The following VPS13D variants were observed in gnomAD, a reference collection of about 807,000 sequenced individuals.
The protein encoded by VPS13D is vacuolar protein sorting 13 homolog D.
A neutral mutation model predicts 461.9 loss-of-function variants in VPS13D; 187 were observed. The ratio of observed to expected loss-of-function variants is 0.40; its 90% CI spans 0.36 to 0.46. VPS13D has a LOEUF of 0.46. VPS13D is among the 20% of genes least tolerant of loss of function. VPS13D has a pLI of 0.60. For synonymous variants in VPS13D, 1,951 were observed against 1,986.3 expected (o/e 0.98, Z 0.47); for missense variants, 4,711 against 5,364.9 (o/e 0.88, Z 3.81).
chr1:12,266,400 A>G (rs1194028667), intron 13 of VPS13D, among the ~76,000 whole-genome samples: 2 of 152,250 alleles, frequency 1.3e-5, no homozygotes, highest in Non-Finnish European at 2.9e-5. Context: ...AAATCACCAC[A>G]GTCACCCCAA....
chr1:12,313,076 A>C (rs1206685545), intron 29 of VPS13D, among the ~76,000 whole-genome samples: 2 of 152,104 alleles, frequency 1.3e-5, no homozygotes, highest in Non-Finnish European at 2.9e-5. Context: ...TTTTCCAGAT[A>C]GAGTTTCTGA....
At chr1:12,230,338 C>T (rs565544681) in intron 1 of VPS13D, among the ~76,000 whole-genome samples, 1 of 152,282 alleles carries the variant, frequency 6.6e-6, no homozygotes, top group South Asian at 2.1e-4. Context: ...CCCAAGCCCG[C>T]CACCTCCGGG....
intron 63 of VPS13D, among the ~76,000 whole-genome samples, chr1:12,413,125 A>G (rs771117678): frequency 6.6e-6 from 1 of 152,192 alleles, no homozygotes; most frequent in Non-Finnish European, 1.5e-5. Context: ...TGTCAAAACT[A>G]TGCTGAGATA....
chr1:12,355,999 G>A lies in VPS13D; in HGVS notation c.9780G>A (p.Arg3260=). 1 of 1,614,104 alleles carries A rather than the reference G, an allele frequency of 6.2e-7. No homozygotes were observed. Among genetic ancestry groups the A allele is most frequent in the South Asian group, 1.1e-5 (1 of 91,070 alleles). ...TGCGACTCTATGACGTCAACCGTCG[G>A]CAGCTGAACCTCACCATCCGGATTG... ...VRMRLYDVNR[R]QLNLTIRIVC... is the part of the protein sequence containing the mutation. Residue 3260 remains arginine (R), a synonymous_variant, in exon 48 of 70, where the codon CGG becomes CGA. Coordinates refer to ENST00000620676, the MANE Select transcript of VPS13D (RefSeq NM_015378.4).
chr1:12,266,928 C>G lies in VPS13D; in HGVS notation c.1642C>G (p.Leu548Val). The change falls in exon 14 of 70, where the codon CTT (leucine) becomes GTT (valine). Residue 548 changes from leucine (L) to valine (V), a missense_variant. Coordinates refer to ENST00000620676, the MANE Select transcript of VPS13D (RefSeq NM_015378.4). ...ESLPRRNSSLLSVRLGGLFLR... is the reference protein window; with the variant it reads ...ESLPRRNSSLVSVRLGGLFLR... ...TCTTCCTCGAAGAAATTCCTCGTTG[C>G]TTTCAGTCCGGTTGGGTGGACTGTT... 1 of 1,606,304 alleles carries G rather than the reference C, an allele frequency of 6.2e-7. No homozygotes were observed. Among genetic ancestry groups the G allele is most frequent in the Non-Finnish European group, 8.5e-7 (1 of 1,177,916 alleles).
Position 12,354,228 on chromosome 1 carries a change from A to G in VPS13D, c.9679+7A>G, listed in dbSNP as rs367678047. ...TCCCAGAACATTGAGCTGGGTAAGA[A>G]TGTAGTCAGATGATCATTTGTCATA... On this transcript the variant is annotated splice_region_variant and intron_variant, in intron 47 of 69. Transcript: ENST00000620676. 6.2e-6 allele frequency: 10 copies of G among 1,612,708 alleles called. No homozygotes were observed. In the African/African-American group the frequency reaches 6.7e-5, roughly 11 times the overall value.
In VPS13D at chr1:12,362,738, G is replaced by C. The variant is rs746301466; in HGVS notation, c.10160G>C (p.Gly3387Ala). 1 of 1,614,138 alleles carries C rather than the reference G, an allele frequency of 6.2e-7. No homozygotes were observed. Among genetic ancestry groups the C allele is most frequent in the South Asian group, 1.1e-5 (1 of 91,062 alleles). Residue 3387 changes from glycine (G) to alanine (A), a missense_variant, in exon 51 of 70, where the codon GGC becomes GCC. Transcript: ENST00000620676. The part of the protein sequence containing the change: ...IYNIGIDVKK[G>A]RGRYIDTCMV... Reference sequence around the variant, plus strand: ...TTTGTAGGTATTGATGTCAAGAAAGGCCGAGGTCGATACATTGATACCTGC... The same window carrying C: ...TTTGTAGGTATTGATGTCAAGAAAGCCCGAGGTCGATACATTGATACCTGC...
chr1:12,379,513 C>A lies in VPS13D; in HGVS notation c.11107C>A (p.Pro3703Thr), dbSNP rs769690065. ...ATACGAGCCACTGATGCTGAGAAAG[C>A]CTGACCGCAGGCGAAGCACAACTCA... ...NRYEPLMLRK[P>T]DRRRSTTQTW... is the part of the protein sequence containing the mutation. The change falls in exon 57 of 70, where the codon CCT becomes ACT. Residue 3703 changes from proline to threonine, a missense_variant. Transcript: ENST00000620676. 1 of 1,612,908 alleles carries A rather than the reference C, an allele frequency of 6.2e-7. No homozygotes were observed. Among genetic ancestry groups the A allele is most frequent in the Admixed American group, 1.7e-5 (1 of 59,904 alleles).
chr1:12,402,928 A>G (rs1644599195), intron 62 of VPS13D, among the ~76,000 whole-genome samples: 1 of 152,218 alleles, frequency 6.6e-6, no homozygotes, highest in Non-Finnish European at 1.5e-5. Context: ...GATGGGACAG[A>G]GGCAGCATGC....
chr1:12,364,196 G>C (rs1643996088), intron 52 of VPS13D, among the ~76,000 whole-genome samples: 1 of 151,954 alleles, frequency 6.6e-6, no homozygotes, highest in Admixed American at 6.6e-5. Context: ...CTGAAACTCT[G>C]TACCCGTTAA....
At position 12,510,525 on chromosome 1, in the gene VPS13D, CTGTGTGTGTGTGTGTGTGTG is replaced by C. The variant is rs3831905; in HGVS notation, c.*1512_*1531del. The C allele has an allele frequency of 6.8e-6, 1 of 146,118 alleles. No homozygotes were observed. The highest frequency in any genetic ancestry group is 1.5e-5 in the Non-Finnish European group (1 of 66,550). 9.1% of individuals were successfully genotyped at this position (146,118 alleles called of 1,614,324 possible). ...TCCCACTTCCCCTCTGTGTCTGTGT[CTGTGTGTGTGTGTGTGTGTG>C]TGTGTGTGTGCGCGCGCGCGCGTGC... On this transcript the variant is annotated 3_prime_UTR_variant, in exon 70 of 70. Coordinates refer to ENST00000620676, the MANE Select transcript of VPS13D (RefSeq NM_015378.4).
In VPS13D at chr1:12,314,166, C is replaced by T; in HGVS notation, c.6987C>T (p.Thr2329=). Residue 2329 remains threonine (T), a synonymous_variant, in exon 30 of 70, where the codon ACC becomes ACT. Coordinates refer to ENST00000620676, the MANE Select transcript of VPS13D (RefSeq NM_015378.4). ...TCTATGAAAGTTTTTCCAACCAAAC[C>T]AAGTCCATTAACTTGGTTTCCCATT... ...KLLYESFSNQ[T]KSINLVSHSM... 2 of 1,614,132 alleles carry T rather than the reference C, an allele frequency of 1.2e-6. No homozygotes were observed. Among genetic ancestry groups the T allele is most frequent in the African/African-American group, 2.7e-5 (2 of 75,024 alleles).
At chr1:12,401,739 T>C (rs1289041563) in intron 62 of VPS13D, 35 bp downstream of exon 62, 1 of 1,569,772 alleles carries the variant, frequency 6.4e-7, no homozygotes, top group South Asian at 1.1e-5. Flanking sequence ...TGTTTGGGAA[T>C]TGGTCCAAAG....
At chr1:12,436,218 T>TG (rs1269944198) in intron 65 of VPS13D, among the ~76,000 whole-genome samples, 1 of 152,104 alleles carries the variant, frequency 6.6e-6, no homozygotes, top group Non-Finnish European at 1.5e-5. Context: ...TTGGTGTCTG[T>TG]GGGGGTTCCT....
rs1642361627 is a variant in VPS13D, at chr1:12,299,475, T to C, written c.6216+91T>C. The C allele has an allele frequency of 4.2e-6, 6 of 1,414,166 alleles. No individual in the cohort carries two copies. The highest frequency in any genetic ancestry group is 5.7e-6 in the Non-Finnish European group (6 of 1,057,530). 87.6% of individuals were successfully genotyped at this position (1,414,166 alleles called of 1,614,324 possible). On this transcript the variant is annotated intron_variant, in intron 25 of 69. Transcript: ENST00000620676. The surrounding 1 kb of genome is among the most constrained non-coding windows in gnomAD (Gnocchi z 4.2). The stretch of plus-strand genomic sequence containing the variant: ...TATGCTGCTGTAAGATGATCCATAA[T>C]TGCTATTACTTTTGTAGGGTATGTG...
chr1:12,319,739 T>G (rs771092198), intron 32 of VPS13D, 109 bp downstream of exon 32: 129 of 1,502,148 alleles, frequency 8.6e-5, no homozygotes, highest in Non-Finnish European at 1.1e-4. Context: ...ATTAATGAAA[T>G]TGGAAGACCC....
Position 12,267,938 on chromosome 1 carries a change from G to T in VPS13D, c.1801+18G>T, listed in dbSNP as rs767558185. On this transcript the variant is annotated intron_variant, in intron 15 of 69. Coordinates refer to ENST00000620676, the MANE Select transcript of VPS13D (RefSeq NM_015378.4). ...TTACCCAGGTAATTTGTCCTATGTTGTTTTTTTAAAATTTTTAAATTTTTT... is the reference window on the plus strand; with the variant it reads ...TTACCCAGGTAATTTGTCCTATGTTTTTTTTTTAAAATTTTTAAATTTTTT... 52 of 1,585,882 alleles carry T rather than the reference G, an allele frequency of 3.3e-5. No individual in the cohort carries two copies. The highest frequency in any genetic ancestry group is 7.4e-5 in the Admixed American group (4 of 54,004).
intron 60 of VPS13D, among the ~76,000 whole-genome samples, chr1:12,388,474 T>C (rs1644378265): frequency 6.6e-6 from 1 of 151,586 alleles, no homozygotes; most frequent in African/African-American, 2.4e-5. Context: ...CTCGGGAGGC[T>C]GAGACAGGAG....
intron 58 of VPS13D, 146 bp from the exon 59 acceptor site, chr1:12,385,114 T>TA: frequency 1.6e-6 from 1 of 645,008 alleles, no homozygotes; most frequent in Non-Finnish European, 2.6e-6. Context: ...ACACAAATCT[T>TA]ACCTTACCAG....
Sources: allele counts gnomAD v4.1 joint callset (sites outside exome capture counted in the v4.1 genomes callset), GRCh38; gene constraint gnomAD v4.1.1; non-coding constraint Gnocchi (gnomAD v3.1); transcripts MANE v1.5; gene names NCBI Gene and HGNC (gene_info 2026-07-23, HGNC 2026-07-21).